Variants in ANK2 observed in about 807,000 individuals in gnomAD.
The protein encoded by ANK2 is ankyrin-2.
A neutral mutation model predicts 360.5 loss-of-function variants in ANK2; 83 were observed. The ratio of observed to expected loss-of-function variants is 0.23; its 90% CI spans 0.19 to 0.28. The LOEUF is 0.28. Among genes scored for constraint, ANK2 ranks in the 10% least tolerant of loss-of-function variants. ANK2 has a pLI of 1.00. For missense variants in ANK2, 4,201 were observed against 4,795.7 expected (o/e 0.88, Z 3.66); for synonymous variants, 1,740 against 1,759.5 (o/e 0.99, Z 0.28).
intron 2 of ANK2, among the ~76,000 whole-genome samples, chr4:112,971,121 A>G (rs2039377396): frequency 6.6e-6 from 1 of 152,220 alleles, no homozygotes; most frequent in Non-Finnish European, 1.5e-5. Context: ...ACACGTCACA[A>G]ATTTTATTTA....
At chr4:113,338,392 A>AT (rs1201008688) in intron 31 of ANK2, among the ~76,000 whole-genome samples, 3 of 151,882 alleles carry the variant, frequency 2.0e-5, no homozygotes, top group African/African-American at 7.3e-5. Flanking sequence ...ATATTCATTT[A>AT]TTTTTTCATT....
At position 113,245,020 on chromosome 4, in the gene ANK2, G is replaced by A. The variant is rs141133795; in HGVS notation, c.891+2811G>A. 5.9e-3 allele frequency among the ~76,000 whole-genome samples: 902 copies of A among 152,200 alleles called. 12 individuals carry two copies. Among genetic ancestry groups the A allele is most frequent in the Non-Finnish European group, 6.7e-3 (459 of 68,018 alleles). On this transcript the variant is annotated intron_variant, in intron 9 of 45. Transcript: ENST00000357077. ...TTTCTTTATCCAGTCTATCATTGATGGGCATTTGGCTTGGTTCTAAGTTTT... is the reference window on the plus strand; with the variant it reads ...TTTCTTTATCCAGTCTATCATTGATAGGCATTTGGCTTGGTTCTAAGTTTT...
the ANK2 span, among the ~76,000 whole-genome samples, chr4:112,737,770 C>T: frequency 6.6e-6 from 1 of 152,078 alleles, no homozygotes; most frequent in Admixed American, 6.6e-5. Flanking sequence ...GCTTGGTAGT[C>T]GAAGGAGTTG....
intron 2 of ANK2, among the ~76,000 whole-genome samples, chr4:112,949,567 A>C (rs2094793758): frequency 1.3e-5 from 2 of 152,210 alleles, no homozygotes; most frequent in Admixed American, 1.3e-4. Context: ...GTAATCAAAC[A>C]TGTTGGGGAA....
At chr4:113,194,995 G>C (rs947076390) in intron 2 of ANK2, among the ~76,000 whole-genome samples, 3 of 152,062 alleles carry the variant, frequency 2.0e-5, no homozygotes, top group Non-Finnish European at 2.9e-5. Context: ...AACATTGCTG[G>C]CAGTGAATCT....
the ANK2 span, among the ~76,000 whole-genome samples, chr4:112,812,513 A>C: frequency 6.6e-6 from 1 of 152,198 alleles, no homozygotes; most frequent in Non-Finnish European, 1.5e-5. Flanking sequence ...AAGGAGACCT[A>C]ATTATTCCAT....
At chr4:112,827,749 C>T (rs1022229445) in intron 1 of ANK2, 6 of 467,734 alleles carry the variant, frequency 1.3e-5, no homozygotes, top group African/African-American at 7.8e-5. Flanking sequence ...ATTTCATGCT[C>T]GTGGATAGGA....
chr4:112,850,504 C>CTTTTTTTTTTTTT lies in ANK2; in HGVS notation c.-40+32258_-40+32270dup, dbSNP rs60510554. Among the ~76,000 whole-genome samples, 10 of 5,820 alleles carry CTTTTTTTTTTTTT rather than the reference C, an allele frequency of 1.7e-3. 2 individuals are homozygous for CTTTTTTTTTTTTT. Among genetic ancestry groups the CTTTTTTTTTTTTT allele is most frequent in the African/African-American group, 3.6e-3 (5 of 1,406 alleles). 3.8% of individuals were successfully genotyped at this position (5,820 alleles called of 152,430 possible). ...TTTTTTTAACATTTCCTGTGCTAGT[C>CTTTTTTTTTTTTT]TTTTTTTTTTTTTTTTTTTTTTTTT... On this transcript the variant is annotated intron_variant, in intron 1 of 30. Transcript: ENST00000503271.
chr4:112,996,105 A>G (rs6833100), intron 2 of ANK2, among the ~76,000 whole-genome samples: 58,642 of 152,132 alleles, frequency 0.39, 12,747 homozygotes, highest in African/African-American at 0.6. Context: ...TAGATAAAAA[A>G]GATAAACTAT....
At chr4:112,984,117 T>C (rs2044058726) in intron 2 of ANK2, among the ~76,000 whole-genome samples, 1 of 152,230 alleles carries the variant, frequency 6.6e-6, no homozygotes. Context: ...TTGTACACTA[T>C]GTTCATACTG....
intron 1 of ANK2, among the ~76,000 whole-genome samples, chr4:113,055,914 A>G (rs887837350): frequency 2.0e-5 from 3 of 152,052 alleles, no homozygotes; most frequent in African/African-American, 7.2e-5. Flanking sequence ...TGTTGCTGCC[A>G]TTTTGCGTCA....
the ANK2 span, among the ~76,000 whole-genome samples, chr4:112,717,782 A>T: frequency 8.0e-6 from 1 of 125,614 alleles, no homozygotes; most frequent in African/African-American, 2.8e-5. Flanking sequence ...TATTTACTTT[A>T]AAAAAAAAAT....
At chr4:113,026,251 CAGA>C (rs1386915020) in intron 2 of ANK2, among the ~76,000 whole-genome samples, 2 of 152,074 alleles carry the variant, frequency 1.3e-5, no homozygotes, top group Middle Eastern at 3.2e-3. Context: ...CTGGAGTTTT[CAGA>C]AGAAGTAAGC....
chr4:112,961,993 A>G lies in ANK2; in HGVS notation c.21+57479A>G, dbSNP rs190668519. Among the ~76,000 whole-genome samples the G allele has an allele frequency of 6.6e-4, 101 of 152,320 alleles. 2 individuals are homozygous for G. Among genetic ancestry groups the G allele is most frequent in the Admixed American group, 3.7e-3 (56 of 15,292 alleles). On this transcript the variant is annotated intron_variant, in intron 2 of 30. Transcript: ENST00000503271. ...TCCAAAGGATCTACAATGTGCAGCCAGAGTTAAGAATCTCTAATCTAGTCT... is the reference window on the plus strand; with the variant it reads ...TCCAAAGGATCTACAATGTGCAGCCGGAGTTAAGAATCTCTAATCTAGTCT...
At chr4:112,876,252 C>T (rs2075073802) in intron 1 of ANK2, among the ~76,000 whole-genome samples, 1 of 152,114 alleles carries the variant, frequency 6.6e-6, no homozygotes, top group Non-Finnish European at 1.5e-5. Flanking sequence ...CACAGTATCT[C>T]TTCTTTAAAA....
chr4:112,989,997 A>AC (rs1306125064), intron 2 of ANK2, among the ~76,000 whole-genome samples: 1 of 152,234 alleles, frequency 6.6e-6, no homozygotes, highest in Admixed American at 6.5e-5. Context: ...TTGTCTGGGC[A>AC]CAGTGACTTA....
At chr4:112,904,493 A>G (rs2084527998) in exon 2 of ANK2, 2 of 1,508,352 alleles carry the variant, frequency 1.3e-6, no homozygotes, top group Non-Finnish European at 9.0e-7. Context: ...TGGTATTTCA[A>G]ATGACCACCA....
chr4:113,207,738 TTCCAATAGAAACTG>T (rs1226065685), intron 4 of ANK2, among the ~76,000 whole-genome samples: 1 of 151,232 alleles, frequency 6.6e-6, no homozygotes, highest in Admixed American at 6.6e-5. Flanking sequence ...GAATTAAACT[TTCCAATAGAAACTG>T]ATTGGAAGTA....
At chr4:112,915,907 TCA>T (rs2089658572) in intron 2 of ANK2, among the ~76,000 whole-genome samples, 1 of 152,104 alleles carries the variant, frequency 6.6e-6, no homozygotes, top group African/African-American at 2.4e-5. Flanking sequence ...AAGTATATAC[TCA>T]CTATAACATT....
Sources: allele counts gnomAD v4.1 joint callset (sites outside exome capture counted in the v4.1 genomes callset), GRCh38; gene constraint gnomAD v4.1.1; transcripts MANE v1.5; gene names NCBI Gene and HGNC (gene_info 2026-07-23, HGNC 2026-07-21).